Variants in WDR41 observed in about 807,000 individuals in gnomAD.
WDR41 encodes WD repeat domain 41.
In WDR41, 63 loss-of-function variants were observed where a neutral mutation model predicts 69.3. The observed-to-expected ratio is 0.91, with a 90% confidence interval of 0.74 to 1.12. The LOEUF (loss-of-function observed/expected upper bound fraction) is 1.12. WDR41 is among the 50% of genes most tolerant of loss of function. The probability of loss-of-function intolerance (pLI) is 0.00; values close to 1 mark genes in which losing one functional copy is unlikely to be tolerated. For missense variants in WDR41, 543 were observed against 534.5 expected, an observed-to-expected ratio of 1.02 and a Z score of -0.16; for synonymous variants, 185 against 192.1, an observed-to-expected ratio of 0.96 and a Z score of 0.31.
At chr5:77,539,258 G>A (rs1010119274) in intron 1 of WDR41, among the ~76,000 whole-genome samples, 1 of 152,152 alleles carries the variant, frequency 6.6e-6, no homozygotes, top group Non-Finnish European at 1.5e-5. Context: ...TGCACCATCT[G>A]CAGACAAAAG....
Position 77,433,272 on chromosome 5 carries a change from CA to C in WDR41, c.1242del (p.Phe414LeufsTer6), listed in dbSNP as rs779258143. On this transcript the variant is annotated frameshift_variant, in exon 13 of 13. Transcript: ENST00000296679. LOFTEE classifies it high-confidence loss of function. ...GAGCACGTCACTAGTCCATGATCTT[CA>C]AAGTATAGAAACATCTGTAAAGAAA... Reference protein sequence around the residue: ...HSSSVEMFLYFEDHGLVTCSA... With the variant: ...HSSSVEMFLYXEDHGLVTCSA... 2.5e-6 allele frequency: 4 copies of C among 1,612,350 alleles called. No homozygotes were observed. Among genetic ancestry groups the C allele is most frequent in the Non-Finnish European group, 3.4e-6 (4 of 1,179,584 alleles).
chr5:77,607,919 C>T (rs1744456504), intron 1 of WDR41, among the ~76,000 whole-genome samples: 1 of 152,148 alleles, frequency 6.6e-6, no homozygotes, highest in African/African-American at 2.4e-5. Flanking sequence ...GGCTTTTGCC[C>T]ACATGAAACT....
intron 11 of WDR41, among the ~76,000 whole-genome samples, chr5:77,436,834 G>C (rs950689787): frequency 6.6e-6 from 1 of 152,174 alleles, no homozygotes; most frequent in Admixed American, 6.5e-5. Context: ...CTGATTTCTT[G>C]TGCAAAGGTT....
At chr5:77,479,073 T>G (rs201458099) in intron 2 of WDR41, among the ~76,000 whole-genome samples, 1 of 151,840 alleles carries the variant, frequency 6.6e-6, no homozygotes, top group African/African-American at 2.4e-5. Context: ...CCATTCACAA[T>G]TGCTTCAAAG....
intron 1 of WDR41, among the ~76,000 whole-genome samples, chr5:77,581,066 A>T (rs564873397): frequency 4.7e-4 from 72 of 152,240 alleles, no homozygotes; most frequent in African/African-American, 1.6e-3. Flanking sequence ...AAACAATCCA[A>T]TCAAAAGGAT....
intron 1 of WDR41, among the ~76,000 whole-genome samples, chr5:77,525,014 T>C (rs991346441): frequency 9.2e-5 from 14 of 152,228 alleles, no homozygotes; most frequent in African/African-American, 3.1e-4. Flanking sequence ...AATTCACCTA[T>C]GGCTTCCCCA....
intron 4 of WDR41, among the ~76,000 whole-genome samples, 192 bp downstream of exon 4, chr5:77,462,903 C>A (rs1466063884): frequency 6.6e-6 from 1 of 152,152 alleles, no homozygotes; most frequent in Non-Finnish European, 1.5e-5. Flanking sequence ...CAATAACAAG[C>A]CTTAACCTCC....
chr5:77,519,544 G>A (rs977664133), intron 1 of WDR41, among the ~76,000 whole-genome samples: 20 of 151,462 alleles, frequency 1.3e-4, no homozygotes, highest in African/African-American at 4.4e-4. Context: ...TATATTTATT[G>A]TGAAGTAATT....
intron 5 of WDR41, among the ~76,000 whole-genome samples, chr5:77,458,178 C>T (rs1799907152): frequency 6.6e-6 from 1 of 152,000 alleles, no homozygotes; most frequent in African/African-American, 2.4e-5. Flanking sequence ...CTTAAAAAAT[C>T]CACTGTTAAG....
chr5:77,513,814 C>T (rs374982650), intron 1 of WDR41, among the ~76,000 whole-genome samples: 1 of 152,174 alleles, frequency 6.6e-6, no homozygotes, highest in South Asian at 2.1e-4. Flanking sequence ...AGAAGACCCT[C>T]TGAATGGTAA....
intron 1 of WDR41, among the ~76,000 whole-genome samples, chr5:77,576,875 A>C (rs1351071697): frequency 3.3e-5 from 5 of 152,168 alleles, no homozygotes; most frequent in Non-Finnish European, 7.3e-5. Flanking sequence ...AGTCATATTA[A>C]AGTTATTTTT....
upstream of WDR41, among the ~76,000 whole-genome samples, chr5:77,495,423 T>C (rs113078469): frequency 1.9e-3 from 288 of 151,918 alleles, no homozygotes; most frequent in African/African-American, 6.7e-3. Context: ...ATAACTAAAA[T>C]TGAAAATGAA....
chr5:77,476,014 A>C lies in WDR41; in HGVS notation c.168-11205T>G, dbSNP rs190936878. On this transcript the variant is annotated intron_variant, in intron 2 of 12. Transcript: ENST00000296679. ...AGCTGAAAACCAAGGCTCCAGAACTACATGAAGAATGCAGAAGCCTCAGAA... is the reference window on the plus strand; with the variant it reads ...AGCTGAAAACCAAGGCTCCAGAACTCCATGAAGAATGCAGAAGCCTCAGAA... Among the ~76,000 whole-genome samples, 243 of 152,356 alleles carry C rather than the reference A, an allele frequency of 1.6e-3. 2 individuals carry two copies. The highest frequency in any genetic ancestry group is 5.6e-3 in the African/African-American group (232 of 41,572).
chr5:77,477,257 C>A (rs1210882589), intron 2 of WDR41, among the ~76,000 whole-genome samples: 1 of 150,868 alleles, frequency 6.6e-6, no homozygotes, highest in East Asian at 1.9e-4. Flanking sequence ...CAACATTAGA[C>A]AGATCAACGA....
chr5:77,465,665 T>C (rs1800272836), intron 2 of WDR41, among the ~76,000 whole-genome samples: 1 of 151,598 alleles, frequency 6.6e-6, no homozygotes, highest in African/African-American at 2.4e-5. Context: ...TAATTTTTAA[T>C]GACTCAGAAT....
chr5:77,437,275 C>CT, intron 11 of WDR41, 61 bp downstream of exon 11: 1 of 1,374,958 alleles, frequency 7.3e-7, no homozygotes, highest in South Asian at 1.2e-5. Flanking sequence ...TGTCCTTCTC[C>CT]TGCCTTTCAC....
intron 1 of WDR41, among the ~76,000 whole-genome samples, chr5:77,610,767 C>G (rs1303593432): frequency 6.6e-6 from 1 of 152,058 alleles, no homozygotes; most frequent in Non-Finnish European, 1.5e-5. Context: ...AAATCACCAG[C>G]TAACATCATA....
chr5:77,533,737 T>A (rs1489415158), intron 1 of WDR41, among the ~76,000 whole-genome samples: 1 of 152,166 alleles, frequency 6.6e-6, no homozygotes, highest in Admixed American at 6.5e-5. Flanking sequence ...AATAATATAC[T>A]AATATTGTTA....
chr5:77,609,633 C>T (rs1484429359), intron 1 of WDR41, among the ~76,000 whole-genome samples: 1 of 152,132 alleles, frequency 6.6e-6, no homozygotes, highest in Admixed American at 6.5e-5. Context: ...ACAGAAAGGA[C>T]ATCCACACCA....
Sources: gnomAD v4.1 joint callset for allele counts (sites outside exome capture counted in the v4.1 genomes callset) on GRCh38, gnomAD v4.1.1 for gene constraint, MANE v1.5 for transcripts, NCBI Gene and HGNC (gene_info 2026-07-23, HGNC 2026-07-21) for gene names.